The following ZNF385B variants were observed in gnomAD, a reference collection of about 807,000 sequenced individuals.
The protein encoded by ZNF385B is zinc finger protein 385B.
ZNF385B carries 23 observed loss-of-function variants against 39.2 expected under a neutral mutation model. That is an observed-to-expected ratio of 0.59 (90% CI 0.42 to 0.83). ZNF385B has a LOEUF of 0.83. ZNF385B is among the 40% of genes least tolerant of loss of function. The probability of loss-of-function intolerance (pLI) is 0.00; values close to 1 mark genes in which losing one functional copy is unlikely to be tolerated. For missense variants in ZNF385B, 552 were observed against 598.9 expected (o/e 0.92, Z 0.82); for synonymous variants, 205 against 222.6 (o/e 0.92, Z 0.70).
At chr2:179,831,824 G>T (rs1276851967) in intron 1 of ZNF385B, among the ~76,000 whole-genome samples, 1 of 152,194 alleles carries the variant, frequency 6.6e-6, no homozygotes, top group Non-Finnish European at 1.5e-5. Flanking sequence ...AAGCACATCT[G>T]TCTCTTGAGA....
At chr2:179,739,777 T>C (rs776163160) in intron 3 of ZNF385B, among the ~76,000 whole-genome samples, 5 of 152,118 alleles carry the variant, frequency 3.3e-5, no homozygotes, top group Non-Finnish European at 7.4e-5. Context: ...GTGATAAGCA[T>C]CAGAGATCAT....
intron 1 of ZNF385B, among the ~76,000 whole-genome samples, chr2:179,847,328 A>G (rs1373341209): frequency 6.6e-6 from 1 of 152,172 alleles, no homozygotes; most frequent in African/African-American, 2.4e-5. Flanking sequence ...CTTATTCTCA[A>G]GACACCTAAT....
intron 1 of ZNF385B, among the ~76,000 whole-genome samples, chr2:179,781,086 A>G (rs1254585042): frequency 6.6e-6 from 1 of 152,204 alleles, no homozygotes; most frequent in Non-Finnish European, 1.5e-5. Flanking sequence ...TAATCTGTAG[A>G]TTCAATGCAA....
chr2:179,595,063 A>G (rs1402103019), intron 3 of ZNF385B, among the ~76,000 whole-genome samples: 1 of 152,228 alleles, frequency 6.6e-6, no homozygotes, highest in Admixed American at 6.5e-5. Flanking sequence ...ATAAATGCCA[A>G]TAAAAATAAT....
chr2:179,444,788 T>A, intron 9 of ZNF385B, 88 bp downstream of exon 9: 2 of 1,105,690 alleles, frequency 1.8e-6, no homozygotes, highest in Non-Finnish European at 2.8e-6. Flanking sequence ...TTTCATGACA[T>A]TAGACTCTAT....
chr2:179,477,863 T>G (rs917558852), intron 6 of ZNF385B, among the ~76,000 whole-genome samples: 11 of 152,148 alleles, frequency 7.2e-5, no homozygotes, highest in African/African-American at 2.7e-4. Flanking sequence ...GCATAGAAAT[T>G]AAGGATTATC....
intron 1 of ZNF385B, among the ~76,000 whole-genome samples, chr2:179,792,776 T>C (rs1244797150): frequency 6.6e-6 from 1 of 152,154 alleles, no homozygotes; most frequent in Non-Finnish European, 1.5e-5. Context: ...ATGCTTCCTG[T>C]ACATTTTCTT....
At chr2:179,677,584 A>G (rs1697010143) in intron 3 of ZNF385B, among the ~76,000 whole-genome samples, 1 of 152,246 alleles carries the variant, frequency 6.6e-6, no homozygotes, top group South Asian at 2.1e-4. Context: ...ATGGTAAATC[A>G]GAAAGGCAAA....
chr2:179,729,010 C>T (rs912073495), intron 3 of ZNF385B, among the ~76,000 whole-genome samples: 2 of 149,946 alleles, frequency 1.3e-5, no homozygotes, highest in African/African-American at 4.9e-5. Context: ...AATAATAGGC[C>T]AAATTCTAAT....
At chr2:179,845,259 C>G (rs1005093885) in intron 1 of ZNF385B, among the ~76,000 whole-genome samples, 2 of 152,086 alleles carry the variant, frequency 1.3e-5, no homozygotes, top group African/African-American at 4.8e-5. Context: ...TTTAGTGGGT[C>G]ATATGAGCTG....
At chr2:179,555,440 G>A (rs2060843423) in intron 3 of ZNF385B, among the ~76,000 whole-genome samples, 2 of 149,266 alleles carry the variant, frequency 1.3e-5, no homozygotes, top group African/African-American at 5.1e-5. Flanking sequence ...TGCTATATTT[G>A]TGTACATTCA....
In ZNF385B at chr2:179,632,119, A is replaced by G. The variant is rs372703003; in HGVS notation, c.299-87150T>C. Among the ~76,000 whole-genome samples the G allele has an allele frequency of 1.4e-4, 22 of 152,292 alleles. No homozygotes were observed. The East Asian group carries it at 2.9e-3, about 20-fold the overall frequency. On this transcript the variant is annotated intron_variant, in intron 3 of 9. Coordinates refer to ENST00000410066, the MANE Select transcript of ZNF385B (RefSeq NM_152520.6). ...TAATAATGAGAGACTTTAACACCCC[A>G]CTGTCAATATTAGACAGATCAATGA...
At chr2:179,855,951 G>A (rs996215034) in intron 1 of ZNF385B, among the ~76,000 whole-genome samples, 4 of 152,160 alleles carry the variant, frequency 2.6e-5, no homozygotes, top group African/African-American at 7.2e-5. Flanking sequence ...GCTAAGCCAT[G>A]GTTTGACTTG....
chr2:179,808,108 A>G (rs978862323), intron 1 of ZNF385B, among the ~76,000 whole-genome samples: 1 of 151,656 alleles, frequency 6.6e-6, no homozygotes, highest in East Asian at 2.0e-4. Context: ...TCTCAGCTCA[A>G]TGCAAGCTCC....
In ZNF385B at chr2:179,687,421, C is replaced by A. The variant is rs1405753743; in HGVS notation, c.298+82082G>T. 4.6e-5 allele frequency among the ~76,000 whole-genome samples: 7 copies of A among 152,192 alleles called. No individual in the cohort carries two copies. The South Asian group carries it at 8.3e-4, about 18-fold the overall frequency. On this transcript the variant is annotated intron_variant, in intron 3 of 9. Coordinates refer to ENST00000410066, the MANE Select transcript of ZNF385B (RefSeq NM_152520.6). The stretch of plus-strand genomic sequence containing the variant: ...TTCACATTATAAACTCCAAATTTCT[C>A]TATTTCAATTATGGGCATGGACTTT...
chr2:179,758,049 T>G (rs1559167420), intron 3 of ZNF385B, among the ~76,000 whole-genome samples: 2 of 152,170 alleles, frequency 1.3e-5, no homozygotes, highest in Non-Finnish European at 2.9e-5. Flanking sequence ...ATCTTCTGCA[T>G]CACTCACGCT....
At chr2:179,518,934 A>G (rs572532743) in intron 4 of ZNF385B, among the ~76,000 whole-genome samples, 225 of 152,322 alleles carry the variant, frequency 1.5e-3, no homozygotes, top group African/African-American at 5.1e-3. Context: ...AAACCTTAGA[A>G]GAATCATAAA....
intron 3 of ZNF385B, among the ~76,000 whole-genome samples, chr2:179,630,646 G>C (rs1382544343): frequency 6.6e-6 from 1 of 152,204 alleles, no homozygotes; most frequent in East Asian, 1.9e-4. Context: ...CGCCAGCAAT[G>C]GAACAAAGCT....
At chr2:179,808,790 G>A (rs1706554113) in intron 1 of ZNF385B, among the ~76,000 whole-genome samples, 1 of 152,038 alleles carries the variant, frequency 6.6e-6, no homozygotes, top group African/African-American at 2.4e-5. Context: ...AAAAGAAATT[G>A]TTTCTACTAC....
Sources: gnomAD v4.1 joint callset for allele counts (sites outside exome capture counted in the v4.1 genomes callset) on GRCh38, gnomAD v4.1.1 for gene constraint, MANE v1.5 for transcripts, NCBI Gene and HGNC (gene_info 2026-07-23, HGNC 2026-07-21) for gene names.